The following TMEM38B variants were observed in gnomAD, a reference collection of about 807,000 sequenced individuals.
TMEM38B encodes the protein transmembrane protein 38B.
In TMEM38B, 24 loss-of-function variants were observed where a neutral mutation model predicts 28.7. That is an observed-to-expected ratio of 0.84 (90% confidence interval 0.61 to 1.18). TMEM38B has a LOEUF of 1.18. TMEM38B is among the 50% of genes most tolerant of loss of function. TMEM38B has a pLI of 0.00. For synonymous variants in TMEM38B, 131 were observed against 127.7 expected (o/e 1.03, Z -0.17); for missense variants, 380 against 350.9 (o/e 1.08, Z -0.66).
chr9:105,732,423 A>G (rs924551709), intron 4 of TMEM38B, among the ~76,000 whole-genome samples: 4 of 152,194 alleles, frequency 2.6e-5, no homozygotes, highest in Admixed American at 2.6e-4. Flanking sequence ...GTTTTCTTCC[A>G]GGGATTTTAT....
chr9:105,706,488 C>A (rs909044487), intron 2 of TMEM38B, among the ~76,000 whole-genome samples: 1 of 152,170 alleles, frequency 6.6e-6, no homozygotes, highest in African/African-American at 2.4e-5. Flanking sequence ...AAAGACAGAG[C>A]GAGGTTTTTA....
At chr9:105,726,622 C>G (rs1279287157) in intron 4 of TMEM38B, among the ~76,000 whole-genome samples, 1 of 151,926 alleles carries the variant, frequency 6.6e-6, no homozygotes, top group Admixed American at 6.6e-5. Context: ...TTACAGTTCA[C>G]TTAAAAAATA....
At chr9:105,772,341 TCC>T in intron 5 of TMEM38B, among the ~76,000 whole-genome samples, 1 of 152,268 alleles carries the variant, frequency 6.6e-6, no homozygotes, top group South Asian at 2.1e-4. Context: ...TGACCTCAGG[TCC>T]TTACAGCTTT....
intron 2 of TMEM38B, among the ~76,000 whole-genome samples, chr9:105,714,796 C>G (rs1286258398): frequency 6.6e-6 from 1 of 152,142 alleles, no homozygotes; most frequent in Non-Finnish European, 1.5e-5. Flanking sequence ...TCACTTGTTT[C>G]TCTAAGACGT....
intron 5 of TMEM38B, among the ~76,000 whole-genome samples, chr9:105,752,208 T>G (rs548314978): frequency 1.3e-5 from 2 of 152,228 alleles, no homozygotes; most frequent in Admixed American, 6.5e-5. Flanking sequence ...GGAGGGGCAG[T>G]CACCATCTCT....
At chr9:105,747,989 T>G in intron 4 of TMEM38B, 84 bp from the exon 5 acceptor site, 1 of 865,308 alleles carries the variant, frequency 1.2e-6, no homozygotes. Flanking sequence ...CCCATTAAGT[T>G]AATGTTTTGC....
chr9:105,774,631 T>G lies in TMEM38B; in HGVS notation c.*551T>G, dbSNP rs1475721529. ...TATATTTTAGATATAAACATCATAT[T>G]TTTTATTAATACCTACATCAAATGG... On this transcript the variant is annotated 3_prime_UTR_variant, in exon 6 of 6. Coordinates refer to ENST00000374692, the MANE Select transcript of TMEM38B (RefSeq NM_018112.3). 1 of 151,948 alleles carries G rather than the reference T, an allele frequency of 6.6e-6. No homozygotes were observed. Among genetic ancestry groups the G allele is most frequent in the East Asian group, 1.9e-4 (1 of 5,196 alleles). 9.4% of individuals were successfully genotyped at this position (151,948 alleles called of 1,614,324 possible).
chr9:105,773,815 A>AC, intron 5 of TMEM38B, 50 bp from the exon 6 acceptor site: 1 of 1,554,974 alleles, frequency 6.4e-7, no homozygotes, highest in East Asian at 2.3e-5. Context: ...CTCTCTTGAG[A>AC]AACAGAAATC....
chr9:105,759,189 C>A, intron 5 of TMEM38B: 1 of 740,426 alleles, frequency 1.4e-6, no homozygotes, highest in Non-Finnish European at 2.5e-6. Flanking sequence ...TCTCCTTGAA[C>A]CTCTCCTTAC....
At chr9:105,728,916 T>G (rs1836625795) in intron 4 of TMEM38B, among the ~76,000 whole-genome samples, 1 of 146,218 alleles carries the variant, frequency 6.8e-6, no homozygotes, top group Admixed American at 6.7e-5. Flanking sequence ...GCCCACTTTT[T>G]GATGGAGTTG....
At chr9:105,711,509 A>G (rs1258573344) in intron 2 of TMEM38B, among the ~76,000 whole-genome samples, 1 of 151,946 alleles carries the variant, frequency 6.6e-6, no homozygotes, top group Non-Finnish European at 1.5e-5. Context: ...GACCTAATGA[A>G]TTATTATAAG....
chr9:105,750,371 C>T (rs1313817420), intron 5 of TMEM38B, among the ~76,000 whole-genome samples: 3 of 152,020 alleles, frequency 2.0e-5, no homozygotes, highest in Non-Finnish European at 4.4e-5. Flanking sequence ...CACCTATAAT[C>T]CCAGCACTTT....
intron 4 of TMEM38B, among the ~76,000 whole-genome samples, chr9:105,736,238 T>G (rs959614944): frequency 1.3e-5 from 2 of 152,146 alleles, no homozygotes; most frequent in Admixed American, 1.3e-4. Context: ...TTTCATAATG[T>G]GAAAATTTGT....
At chr9:105,712,078 C>A (rs574533260) in intron 2 of TMEM38B, among the ~76,000 whole-genome samples, 4 of 152,086 alleles carry the variant, frequency 2.6e-5, no homozygotes, top group African/African-American at 9.7e-5. Flanking sequence ...CTATGCCCAG[C>A]TAATTTTTCT....
chr9:105,713,022 C>T (rs1835961682), intron 2 of TMEM38B, among the ~76,000 whole-genome samples: 1 of 152,262 alleles, frequency 6.6e-6, no homozygotes, highest in African/African-American at 2.4e-5. Flanking sequence ...GGACTTGGCC[C>T]AGTGCCATGC....
At chr9:105,735,766 G>T (rs1001191104) in intron 4 of TMEM38B, among the ~76,000 whole-genome samples, 1 of 152,136 alleles carries the variant, frequency 6.6e-6, no homozygotes, top group African/African-American at 2.4e-5. Context: ...TCTTGGTAAA[G>T]ATGTCTTTGG....
intron 4 of TMEM38B, among the ~76,000 whole-genome samples, chr9:105,724,983 C>T (rs910388082): frequency 2.0e-5 from 3 of 152,012 alleles, no homozygotes; most frequent in Non-Finnish European, 4.4e-5. Context: ...TTCCAGTTTG[C>T]TTTGATTTCA....
At chr9:105,761,823 G>T (rs1274891940) in intron 5 of TMEM38B, among the ~76,000 whole-genome samples, 1 of 152,152 alleles carries the variant, frequency 6.6e-6, no homozygotes, top group Non-Finnish European at 1.5e-5. Context: ...GGTGATTCCA[G>T]TATTCAGCCA....
chr9:105,736,394 T>C (rs115526477), intron 4 of TMEM38B, among the ~76,000 whole-genome samples: 208 of 152,258 alleles, frequency 1.4e-3, no homozygotes, highest in African/African-American at 4.7e-3. Context: ...ATTGCAGCTC[T>C]ATTTTTTTTT....
Sources: gnomAD v4.1 joint callset for allele counts (sites outside exome capture counted in the v4.1 genomes callset) on GRCh38, gnomAD v4.1.1 for gene constraint, MANE v1.5 for transcripts, NCBI Gene and HGNC (gene_info 2026-07-23, HGNC 2026-07-21) for gene names.